TRIM63: variants seen among roughly 807,000 people sequenced by gnomAD.
TRIM63 encodes the protein E3 ubiquitin-protein ligase TRIM63.
TRIM63 carries 48 observed loss-of-function variants against 46.0 expected under a neutral mutation model. The ratio of observed to expected loss-of-function variants is 1.04; its 90% CI spans 0.83 to 1.33. The LOEUF is 1.33. Among genes scored for constraint, TRIM63 ranks in the 40% most tolerant of loss-of-function variants. The pLI is 0.00. For missense variants in TRIM63, 455 were observed against 441.2 expected (o/e 1.03, Z -0.28); for synonymous variants, 175 against 162.8 (o/e 1.08, Z -0.57).
Position 26,061,208 on chromosome 1 carries a change from G to C in TRIM63, c.459C>G (p.Ala153=). ...CACTCTGCAATGGGGCCACCTCGCA[G>C]GCCTTGTGGATCCCAAACACCTTGC... The part of the protein sequence containing the change: ...SMCKVFGIHK[A]CEVAPLQSVF... Residue 153 remains alanine (A), a synonymous_variant, in exon 3 of 9, where the codon GCC becomes GCG. Transcript: ENST00000374272. 2 of 1,614,192 alleles carry C rather than the reference G, an allele frequency of 1.2e-6. No homozygotes were observed. The highest frequency in any genetic ancestry group is 1.7e-6 in the Non-Finnish European group (2 of 1,180,028).
chr1:26,051,819 T>C lies in TRIM63; in HGVS notation c.*54A>G, dbSNP rs1569723000. ...CCTGTCACCAAGGCCGCTGGGCCCC[T>C]CCCCACCCTCTCCAGTCTCTCTGCA... On this transcript the variant is annotated 3_prime_UTR_variant, in exon 9 of 9. Transcript: ENST00000374272. 8.3e-6 allele frequency: 4 copies of C among 482,974 alleles called. No individual in the cohort carries two copies. The highest frequency in any genetic ancestry group is 1.2e-5 in the Non-Finnish European group (4 of 330,998). The allele number at this position is 482,974 out of a possible 1,614,324, so 29.9% of individuals were successfully genotyped here.
chr1:26,052,819 A>G (rs1450125592), intron 8 of TRIM63, among the ~76,000 whole-genome samples: 2 of 152,216 alleles, frequency 1.3e-5, no homozygotes, highest in Admixed American at 6.5e-5. Flanking sequence ...TGGGACTACA[A>G]GGAAGTTCAA....
rs192538401 is a variant in TRIM63, at chr1:26,065,809, A to G, written c.332+459T>C. Reference sequence around the variant, plus strand: ...CAGTTTCCTCATCTGTGAAATGAGGATAATAAAGTCATGCCTGATTCACAG... The same window carrying G: ...CAGTTTCCTCATCTGTGAAATGAGGGTAATAAAGTCATGCCTGATTCACAG... On this transcript the variant is annotated intron_variant, in intron 2 of 8. Transcript: ENST00000374272. 1.4e-3 allele frequency among the ~76,000 whole-genome samples: 207 copies of G among 152,336 alleles called. 2 individuals are homozygous for G. The highest frequency in any genetic ancestry group is 4.7e-3 in the African/African-American group (195 of 41,576).
intron 2 of TRIM63, among the ~76,000 whole-genome samples, chr1:26,065,327 C>T (rs2124443558): frequency 6.8e-6 from 1 of 148,012 alleles, no homozygotes; most frequent in Admixed American, 6.7e-5. Context: ...CCCGGCCTCT[C>T]AGTGTTTTTG....
intron 7 of TRIM63, among the ~76,000 whole-genome samples, chr1:26,055,822 G>C (rs1330472623): frequency 6.6e-6 from 1 of 152,130 alleles, no homozygotes; most frequent in Non-Finnish European, 1.5e-5. Context: ...ACCCACTCTT[G>C]AATATCTTAG....
rs530027440 is a variant in TRIM63 at position 26,057,538 on chromosome 1, A to C, written c.854+90T>G. ...AGCCAGCCTAGAGTGAGACCCTCCC[A>C]GCAGGCCTAATGCCCAGGATGAGGC... is the stretch of plus-strand genomic sequence containing the variant. On this transcript the variant is annotated intron_variant, in intron 6 of 8. Coordinates refer to ENST00000374272, the MANE Select transcript of TRIM63 (RefSeq NM_032588.4). 5.3e-5 allele frequency: 78 copies of C among 1,483,758 alleles called. No individual in the cohort carries two copies. The African/African-American group carries it at 9.9e-4, about 19-fold the overall frequency. 91.9% of individuals were successfully genotyped at this position (1,483,758 alleles called of 1,614,324 possible). A position where few individuals can be genotyped will look rare whatever the true frequency, so the allele number is the denominator to read the frequency against.
chr1:26,057,344 AAG>A lies in TRIM63; in HGVS notation c.855-19_855-18del, dbSNP rs766927028. ...TCCACAATGCTGCAGGGGAGACAGA[AAG>A]AGAGGCAGGATGAGGTCTCTGGGGC... On this transcript the variant is annotated intron_variant, in intron 6 of 8. Coordinates refer to ENST00000374272, the MANE Select transcript of TRIM63 (RefSeq NM_032588.4). 1.1e-4 allele frequency: 181 copies of A among 1,613,516 alleles called. 2 individuals are homozygous for A. The South Asian group carries it at 1.9e-3, about 17-fold the overall frequency.
chr1:26,063,710 C>T (rs537962356), intron 2 of TRIM63, among the ~76,000 whole-genome samples: 3 of 152,184 alleles, frequency 2.0e-5, no homozygotes, highest in Non-Finnish European at 4.4e-5. Flanking sequence ...ACCTCTCTTG[C>T]CTGTGGGATT....
chr1:26,063,841 C>T (rs554428331), intron 2 of TRIM63, among the ~76,000 whole-genome samples: 2 of 152,316 alleles, frequency 1.3e-5, no homozygotes, highest in South Asian at 4.1e-4. Context: ...GCGGAAAGGC[C>T]TCAAAGGTTC....
chr1:26,058,507 C>A lies in TRIM63; in HGVS notation c.714G>T (p.Lys238Asn). 1 of 1,614,162 alleles carries A rather than the reference C, an allele frequency of 6.2e-7. No individual in the cohort carries two copies. Among genetic ancestry groups the A allele is most frequent in the Non-Finnish European group, 8.5e-7 (1 of 1,180,022 alleles). Residue 238 changes from lysine to asparagine, a missense_variant, in exon 5 of 9, where the codon AAG (lysine) becomes AAT (asparagine). Coordinates refer to ENST00000374272, the MANE Select transcript of TRIM63 (RefSeq NM_032588.4). ...LQRITQEQEK[K>N]LSFIEALIQQ... ...GGATGAGGGCCTCGATGAAGCTAAG[C>A]TTTTTCTCCTGCTCCTGCGTGATCC...
intron 2 of TRIM63, among the ~76,000 whole-genome samples, 158 bp downstream of exon 2, chr1:26,066,110 G>A (rs1215814765): frequency 6.6e-6 from 1 of 152,200 alleles, no homozygotes; most frequent in African/African-American, 2.4e-5. Context: ...CTGGGTTGGG[G>A]TGTATGGGTC....
chr1:26,064,173 G>A (rs766232076), intron 2 of TRIM63, among the ~76,000 whole-genome samples: 1 of 152,224 alleles, frequency 6.6e-6, no homozygotes, highest in Non-Finnish European at 1.5e-5. Context: ...GTGCACGTCT[G>A]TAATCCCAGC....
intron 7 of TRIM63, among the ~76,000 whole-genome samples, chr1:26,056,109 C>A (rs2050568486): frequency 6.6e-6 from 1 of 152,184 alleles, no homozygotes; most frequent in Non-Finnish European, 1.5e-5. Flanking sequence ...GGAGCACCAC[C>A]TCTCAGACCA....
chr1:26,067,557 C>T lies in TRIM63; in HGVS notation c.-63G>A. 6.4e-7 allele frequency: 1 copy of T among 1,567,554 alleles called. No homozygotes were observed. Among genetic ancestry groups the T allele is most frequent in the Non-Finnish European group, 8.7e-7 (1 of 1,153,490 alleles). On this transcript the variant is annotated 5_prime_UTR_variant, in exon 1 of 9. Coordinates refer to ENST00000374272, the MANE Select transcript of TRIM63 (RefSeq NM_032588.4). ...CTCTACTAACTTTGCTCTAAGTAGA[C>T]CTGGGGGTCTTGCCTTTGTCACAAA...
chr1:26,052,017 C>T (rs1046696746), intron 8 of TRIM63, 134 bp from the exon 9 acceptor site: 1 of 692,462 alleles, frequency 1.4e-6, no homozygotes, highest in Non-Finnish European at 2.1e-6. Context: ...CGGTCTCTTC[C>T]TTTTAAAACC....
chr1:26,061,932 G>T (rs1236312947), intron 2 of TRIM63, among the ~76,000 whole-genome samples: 1 of 152,160 alleles, frequency 6.6e-6, no homozygotes, highest in African/African-American at 2.4e-5. Flanking sequence ...ACTGTACAGT[G>T]CCTGGCATAG....
intron 7 of TRIM63, 108 bp from the exon 8 acceptor site, chr1:26,054,072 T>G: frequency 1.3e-6 from 1 of 758,454 alleles, no homozygotes; most frequent in Non-Finnish European, 2.0e-6. Flanking sequence ...CTGTGCCCAG[T>G]CGGGTCAAAC....
chr1:26,061,823 T>G (rs2050629112), intron 2 of TRIM63, among the ~76,000 whole-genome samples: 1 of 152,172 alleles, frequency 6.6e-6, no homozygotes, highest in African/African-American at 2.4e-5. Context: ...GCTGAGAAAT[T>G]TATACTGATG....
At chr1:26,052,474 T>C (rs1034862167) in intron 8 of TRIM63, among the ~76,000 whole-genome samples, 1 of 151,338 alleles carries the variant, frequency 6.6e-6, no homozygotes, top group African/African-American at 2.4e-5. Context: ...CTTTTCTTTG[T>C]TTTTTTTTGA....
Sources: allele counts gnomAD v4.1 joint callset (sites outside exome capture counted in the v4.1 genomes callset), GRCh38; gene constraint gnomAD v4.1.1; transcripts MANE v1.5; gene names NCBI Gene and HGNC (gene_info 2026-07-23, HGNC 2026-07-21).